HERC6: variants seen among roughly 807,000 people sequenced by gnomAD.
HERC6 encodes the protein HECT and RLD domain containing E3 ubiquitin protein ligase family member 6.
Under a neutral mutation model 114.5 loss-of-function variants are expected in HERC6, and 101 were observed. That is an observed-to-expected ratio of 0.88 (90% CI 0.75 to 1.04). The LOEUF is 1.04. Among genes scored for constraint, HERC6 ranks in the 50% least tolerant of loss-of-function variants. The pLI is 0.00. For synonymous variants in HERC6, 408 were observed against 436.2 expected, an observed-to-expected ratio of 0.94 and a Z score of 0.81; for missense variants, 1,133 against 1,230.9, an observed-to-expected ratio of 0.92 and a Z score of 1.19.
chr4:88,378,857 C>A lies in HERC6; in HGVS notation c.-65C>A. The A allele has an allele frequency of 7.0e-7, 1 of 1,425,434 alleles. No homozygotes were observed. The highest frequency in any genetic ancestry group is 9.4e-7 in the Non-Finnish European group (1 of 1,061,812). 88.3% of individuals were successfully genotyped at this position (1,425,434 alleles called of 1,614,324 possible). A position where few individuals can be genotyped will look rare whatever the true frequency, so the allele number is the denominator to read the frequency against. On this transcript the variant is annotated 5_prime_UTR_variant, in exon 1 of 23. Transcript: ENST00000264346. Reference sequence around the variant, plus strand: ...AAATCATCGCGCACCCAGTCACCAGCGTTCGGGAGCCTGTCGCAGCGGGAC... The same window carrying A: ...AAATCATCGCGCACCCAGTCACCAGAGTTCGGGAGCCTGTCGCAGCGGGAC...
At chr4:88,432,458 A>C (rs1578426948) in intron 17 of HERC6, among the ~76,000 whole-genome samples, 1 of 151,540 alleles carries the variant, frequency 6.6e-6, no homozygotes, top group East Asian at 1.9e-4. Flanking sequence ...GGTGGCTCAC[A>C]CCTGTAATAC....
At chr4:88,387,658 G>A (rs955351868) in intron 3 of HERC6, among the ~76,000 whole-genome samples, 1 of 152,122 alleles carries the variant, frequency 6.6e-6, no homozygotes, top group East Asian at 1.9e-4. Context: ...TTTGATCATG[G>A]GCAAGTTATT....
intron 19 of HERC6, 118 bp downstream of exon 19, chr4:88,437,089 C>G (rs931050222): frequency 1.5e-6 from 1 of 655,314 alleles, no homozygotes. Context: ...CAGAGTCTCA[C>G]TCTGTCACCC....
chr4:88,402,594 C>T (rs929394266), intron 8 of HERC6, among the ~76,000 whole-genome samples: 1 of 152,244 alleles, frequency 6.6e-6, no homozygotes. Context: ...AGATCAGGTT[C>T]ATCAGTTCTG....
At chr4:88,408,747 A>G in intron 11 of HERC6, 130 bp downstream of exon 11, 1 of 671,668 alleles carries the variant, frequency 1.5e-6, no homozygotes, top group Admixed American at 2.7e-5. Flanking sequence ...CAGAAACAAA[A>G]ATCGACCCAC....
chr4:88,384,979 C>T (rs997715069), intron 2 of HERC6, among the ~76,000 whole-genome samples: 8 of 151,790 alleles, frequency 5.3e-5, no homozygotes, highest in Non-Finnish European at 1.0e-4. Context: ...GCCAAGATCG[C>T]ACCACTGCCC....
At chr4:88,397,901 A>G (rs935314507) in intron 7 of HERC6, among the ~76,000 whole-genome samples, 1 of 152,230 alleles carries the variant, frequency 6.6e-6, no homozygotes, top group African/African-American at 2.4e-5. Context: ...ATGCAAGTGC[A>G]TGAAAAACTA....
chr4:88,393,420 A>C (rs1735023256), intron 4 of HERC6, 68 bp from the exon 5 acceptor site: 1 of 778,966 alleles, frequency 1.3e-6, no homozygotes, highest in Admixed American at 2.7e-5. Flanking sequence ...AAAAGATATT[A>C]AAATGTAAAT....
intron 16 of HERC6, among the ~76,000 whole-genome samples, chr4:88,429,634 G>A (rs958350252): frequency 6.6e-6 from 1 of 152,194 alleles, no homozygotes; most frequent in East Asian, 1.9e-4. Flanking sequence ...GTCCAGAAGG[G>A]AGTGGATTTT....
intron 7 of HERC6, 103 bp downstream of exon 7, chr4:88,397,090 T>A (rs2148883088): frequency 1.1e-6 from 1 of 917,376 alleles, no homozygotes; most frequent in Non-Finnish European, 1.5e-6. Flanking sequence ...GTAGTTCCCC[T>A]AGTACTTTTA....
At chr4:88,415,876 C>G (rs1736429179) in intron 12 of HERC6, among the ~76,000 whole-genome samples, 1 of 152,142 alleles carries the variant, frequency 6.6e-6, no homozygotes, top group South Asian at 2.1e-4. Context: ...CTCAAATATG[C>G]CTCTTCAAGA....
In HERC6 at chr4:88,381,862, TTTC is replaced by T. The variant is rs1208435587; in HGVS notation, c.200-1356_200-1354del. ...TGAGCCACTGCGCCCGGCTGACCCT[TTTC>T]TTGGTGCCAGAGATGGGAGCTTCTC... On this transcript the variant is annotated intron_variant, in intron 1 of 22. Transcript: ENST00000264346. Among the ~76,000 whole-genome samples the T allele has an allele frequency of 2.0e-5, 3 of 152,156 alleles. No homozygotes were observed. In the East Asian group the frequency reaches 5.8e-4, roughly 29 times the overall value.
At chr4:88,411,140 T>C (rs182303060) in intron 11 of HERC6, among the ~76,000 whole-genome samples, 28 of 152,318 alleles carry the variant, frequency 1.8e-4, no homozygotes, top group Admixed American at 1.8e-3. Context: ...ATTTTCATTT[T>C]CAAGATGAAG....
At chr4:88,431,447 C>A in intron 17 of HERC6, 142 bp downstream of exon 17, 1 of 958,014 alleles carries the variant, frequency 1.0e-6, no homozygotes, top group Non-Finnish European at 1.5e-6. Flanking sequence ...GTATGGTTCA[C>A]AGAGCAGCAG....
At chr4:88,417,327 A>G in intron 12 of HERC6, 98 bp from the exon 13 acceptor site, 2 of 1,084,732 alleles carry the variant, frequency 1.8e-6, no homozygotes, top group Non-Finnish European at 2.7e-6. Context: ...AGAAATGTAA[A>G]ATATTATCTA....
chr4:88,421,163 A>G (rs557218828), intron 13 of HERC6, among the ~76,000 whole-genome samples: 2 of 152,346 alleles, frequency 1.3e-5, no homozygotes, highest in Admixed American at 1.3e-4. Flanking sequence ...ATTGTATGAA[A>G]TACCACATTT....
chr4:88,438,411 CATT>C (rs1271861380), intron 20 of HERC6, among the ~76,000 whole-genome samples: 1 of 151,980 alleles, frequency 6.6e-6, no homozygotes, highest in Non-Finnish European at 1.5e-5. Context: ...ACAAATGAAT[CATT>C]ATTATTTTTA....
intron 20 of HERC6, among the ~76,000 whole-genome samples, chr4:88,438,464 G>A (rs751588678): frequency 2.6e-5 from 4 of 152,056 alleles, no homozygotes; most frequent in South Asian, 2.1e-4. Context: ...GGCTGGTCTC[G>A]AATTCCTGAG....
At chr4:88,440,538 G>A (rs1235142911) in intron 22 of HERC6, 4 of 319,044 alleles carry the variant, frequency 1.3e-5, no homozygotes, top group Non-Finnish European at 2.3e-5. Context: ...AGCTAGTGAG[G>A]AGGTGGTGTC....
Sources: allele counts gnomAD v4.1 joint callset (sites outside exome capture counted in the v4.1 genomes callset), GRCh38; gene constraint gnomAD v4.1.1; transcripts MANE v1.5; gene names NCBI Gene and HGNC (gene_info 2026-07-23, HGNC 2026-07-21).